CNTNAP2: variants seen among roughly 807,000 people sequenced by gnomAD.
The protein encoded by CNTNAP2 is contactin-associated protein-like 2.
Under a neutral mutation model 155.2 loss-of-function variants are expected in CNTNAP2, and 98 were observed. That is an observed-to-expected ratio of 0.63 (90% CI 0.54 to 0.75). The LOEUF is 0.75. CNTNAP2 is among the 30% of genes least tolerant of loss of function. CNTNAP2 has a pLI of 0.00. For synonymous variants in CNTNAP2, 651 were observed against 631.2 expected (o/e 1.03, Z -0.47); for missense variants, 1,727 against 1,688.1 (o/e 1.02, Z -0.40).
intron 16 of CNTNAP2, among the ~76,000 whole-genome samples, chr7:148,130,742 C>A (rs187618317): frequency 6.6e-6 from 1 of 152,352 alleles, no homozygotes; most frequent in Admixed American, 6.5e-5. Flanking sequence ...TTTCCTAAGA[C>A]TGACTATGTG....
At chr7:148,054,446 CCTT>C (rs1334988964) in intron 15 of CNTNAP2, among the ~76,000 whole-genome samples, 1 of 108,860 alleles carries the variant, frequency 9.2e-6, no homozygotes, top group East Asian at 2.9e-4. Context: ...CTCTCAGTGG[CCTT>C]TTTTTTTTTT....
chr7:148,021,704 AG>A (rs1802281795), intron 15 of CNTNAP2, among the ~76,000 whole-genome samples: 1 of 152,212 alleles, frequency 6.6e-6, no homozygotes, highest in South Asian at 2.1e-4. Context: ...GAATGCAGAC[AG>A]GGTGGCAGGA....
intron 1 of CNTNAP2, among the ~76,000 whole-genome samples, chr7:146,490,951 A>G (rs1175137783): frequency 2.0e-5 from 3 of 152,194 alleles, no homozygotes; most frequent in Non-Finnish European, 4.4e-5. Context: ...ATGTAATTAT[A>G]CCAATGGAAA....
chr7:146,642,405 A>G (rs13227650), intron 1 of CNTNAP2, among the ~76,000 whole-genome samples: 57,304 of 147,580 alleles, frequency 0.39, 13,732 homozygotes, highest in South Asian at 0.55. Context: ...GAGAATATGC[A>G]GTGTTTGGTT....
Position 147,341,070 on chromosome 7 carries a change from T to TTGTGTGTGTGTGTGTGTG in CNTNAP2, c.1498+40784_1498+40801dup, listed in dbSNP as rs61319652. Among the ~76,000 whole-genome samples, 200 of 148,862 alleles carry TTGTGTGTGTGTGTGTGTG rather than the reference T, an allele frequency of 1.3e-3. 1 individual carries two copies. Among genetic ancestry groups the TTGTGTGTGTGTGTGTGTG allele is most frequent in the South Asian group, 0.011 (53 of 4,686 alleles). The stretch of plus-strand genomic sequence containing the variant: ...GCCTGCCTCTTCCAGCATTGTGTGT[T>TTGTGTGTGTGTGTGTGTG]TGTGTGTGTGTGTGTGTGTGTATAT... On this transcript the variant is annotated intron_variant, in intron 9 of 23. Coordinates refer to ENST00000361727, the MANE Select transcript of CNTNAP2 (RefSeq NM_014141.6).
intron 10 of CNTNAP2, among the ~76,000 whole-genome samples, chr7:147,399,841 G>A (rs1490634244): frequency 6.6e-6 from 1 of 152,102 alleles, no homozygotes; most frequent in Non-Finnish European, 1.5e-5. Context: ...AGGGGAGGTG[G>A]TGGATAATGG....
At chr7:147,429,648 T>A (rs1797435114) in intron 10 of CNTNAP2, among the ~76,000 whole-genome samples, 1 of 152,182 alleles carries the variant, frequency 6.6e-6, no homozygotes, top group South Asian at 2.1e-4. Context: ...CTAAGCTATG[T>A]CTAGAAGAGT....
intron 2 of CNTNAP2, among the ~76,000 whole-genome samples, chr7:146,829,270 C>T (rs1011089576): frequency 6.6e-6 from 1 of 151,902 alleles, no homozygotes; most frequent in Non-Finnish European, 1.5e-5. Flanking sequence ...CTTTTGTTTG[C>T]CTAATTGCCA....
intron 21 of CNTNAP2, among the ~76,000 whole-genome samples, chr7:148,296,616 G>A (rs967406774): frequency 6.7e-6 from 1 of 150,358 alleles, no homozygotes; most frequent in Admixed American, 6.6e-5. Flanking sequence ...TGTCAGTTAA[G>A]GTGATGTGAG....
intron 4 of CNTNAP2, among the ~76,000 whole-genome samples, chr7:147,071,141 G>A (rs920964800): frequency 6.6e-6 from 1 of 152,102 alleles, no homozygotes; most frequent in African/African-American, 2.4e-5. Context: ...CCAGCCTTCT[G>A]ACTGGTGCTC....
intron 14 of CNTNAP2, among the ~76,000 whole-genome samples, chr7:147,932,206 GA>G (rs1242112327): frequency 6.6e-5 from 10 of 152,230 alleles, no homozygotes; most frequent in African/African-American, 2.2e-4. Context: ...TACAGAAATA[GA>G]AAAAACAATT....
At chr7:146,795,029 A>G (rs1250690295) in intron 2 of CNTNAP2, among the ~76,000 whole-genome samples, 1 of 152,206 alleles carries the variant, frequency 6.6e-6, no homozygotes, top group Non-Finnish European at 1.5e-5. Context: ...AGGGGCACCC[A>G]TTGCCTTTGA....
At chr7:147,962,725 G>A (rs550964416) in intron 14 of CNTNAP2, among the ~76,000 whole-genome samples, 5 of 152,280 alleles carry the variant, frequency 3.3e-5, no homozygotes, top group Admixed American at 6.5e-5. Context: ...TACGTGGTAG[G>A]CACTGTGCTA....
intron 1 of CNTNAP2, among the ~76,000 whole-genome samples, chr7:146,559,610 A>T (rs1798250471): frequency 6.6e-6 from 1 of 151,994 alleles, no homozygotes; most frequent in Non-Finnish European, 1.5e-5. Context: ...GAAACAGAAA[A>T]ATCGAATTAT....
In CNTNAP2 at chr7:147,565,745, T is replaced by A. The variant is rs73741405; in HGVS notation, c.1897+3488T>A. ...GAACTTTAGTGCCATTTAGGAGAAG[T>A]GGACAATTAAGGGTAAAACAGTTTT... On this transcript the variant is annotated intron_variant, in intron 12 of 23. Transcript: ENST00000361727. 8.6e-3 allele frequency among the ~76,000 whole-genome samples: 1,314 copies of A among 152,142 alleles called. 21 individuals carry two copies. Among genetic ancestry groups the A allele is most frequent in the African/African-American group, 0.03 (1,252 of 41,532 alleles).
At chr7:147,188,867 C>T (rs1012041273) in intron 8 of CNTNAP2, among the ~76,000 whole-genome samples, 3 of 151,890 alleles carry the variant, frequency 2.0e-5, no homozygotes, top group African/African-American at 7.3e-5. Flanking sequence ...GAGATTATTC[C>T]TTTTATAAAT....
chr7:147,852,515 G>A (rs577560190), intron 13 of CNTNAP2, among the ~76,000 whole-genome samples: 15 of 152,174 alleles, frequency 9.9e-5, no homozygotes, highest in African/African-American at 2.6e-4. Flanking sequence ...TTTCAAATAC[G>A]TTAAAATAAA....
chr7:147,232,726 T>C (rs1478312417), intron 8 of CNTNAP2, among the ~76,000 whole-genome samples: 1 of 152,194 alleles, frequency 6.6e-6, no homozygotes, highest in Admixed American at 6.5e-5. Flanking sequence ...AACCATAATA[T>C]TCCTAGAAAA....
chr7:147,199,217 C>G (rs556533912), intron 8 of CNTNAP2, among the ~76,000 whole-genome samples: 1 of 152,200 alleles, frequency 6.6e-6, no homozygotes, highest in East Asian at 1.9e-4. Flanking sequence ...CCGCCTTGGC[C>G]TCCCAAAGTG....
Sources: gnomAD v4.1 joint callset for allele counts (sites outside exome capture counted in the v4.1 genomes callset) on GRCh38, gnomAD v4.1.1 for gene constraint, MANE v1.5 for transcripts, NCBI Gene and HGNC (gene_info 2026-07-23, HGNC 2026-07-21) for gene names.